The following TGFBR3 variants were observed in gnomAD, a reference collection of about 807,000 sequenced individuals.
TGFBR3 encodes the protein transforming growth factor beta receptor 3.
Under a neutral mutation model 87.9 loss-of-function variants are expected in TGFBR3, and 46 were observed. The ratio of observed to expected loss-of-function variants is 0.52; its 90% CI spans 0.41 to 0.67. The LOEUF is 0.67. Ranked by LOEUF, TGFBR3 falls within the 30% of genes least tolerant of loss-of-function variation. TGFBR3 has a pLI of 0.00. For missense variants in TGFBR3, 866 were observed against 1,041.9 expected (o/e 0.83, Z 2.32); for synonymous variants, 381 against 391.6 (o/e 0.97, Z 0.32).
Position 91,768,342 on chromosome 1 carries a change from G to A in TGFBR3, c.247-9592C>T, listed in dbSNP as rs74200473. Among the ~76,000 whole-genome samples the A allele has an allele frequency of 1.3e-4, 20 of 152,270 alleles. No individual in the cohort carries two copies. In the East Asian group the frequency reaches 1.5e-3, roughly 12 times the overall value. On this transcript the variant is annotated intron_variant, in intron 3 of 16. Transcript: ENST00000212355. Reference sequence around the variant, plus strand: ...CTTTGTACATATAAACTATCTCAGAGCATGGGGTGGGACTTGTATTTTTAT... The same window carrying A: ...CTTTGTACATATAAACTATCTCAGAACATGGGGTGGGACTTGTATTTTTAT...
At chr1:91,787,808 C>CG (rs984344809) in intron 3 of TGFBR3, among the ~76,000 whole-genome samples, 6 of 151,652 alleles carry the variant, frequency 4.0e-5, no homozygotes, top group Non-Finnish European at 7.4e-5. Context: ...AAAAATTAGC[C>CG]GGGCGTGGTG....
intron 3 of TGFBR3, among the ~76,000 whole-genome samples, chr1:91,794,569 C>T (rs61781094): frequency 0.091 from 13,848 of 152,184 alleles, 783 homozygotes; most frequent in Non-Finnish European, 0.13. Context: ...CCCCTCTAGC[C>T]CTAAGCAATG....
chr1:91,859,462 T>C lies in TGFBR3; in HGVS notation c.61+2009A>G, dbSNP rs115274170. Among the ~76,000 whole-genome samples, 274 of 152,082 alleles carry C rather than the reference T, an allele frequency of 1.8e-3. 1 individual carries two copies. The highest frequency in any genetic ancestry group is 6.4e-3 in the African/African-American group (267 of 41,472). On this transcript the variant is annotated intron_variant, in intron 2 of 16. Transcript: ENST00000212355. ...GGGGTGCATTTCTACTACTTTTCGATGAGATTTTAAGTCAATTCCATTTTA... is the reference window on the plus strand; with the variant it reads ...GGGGTGCATTTCTACTACTTTTCGACGAGATTTTAAGTCAATTCCATTTTA...
At chr1:91,874,516 T>C (rs2101253552) in intron 1 of TGFBR3, among the ~76,000 whole-genome samples, 1 of 152,128 alleles carries the variant, frequency 6.6e-6, no homozygotes, top group Non-Finnish European at 1.5e-5. Flanking sequence ...GAGTGGTTTT[T>C]TGGTTTTTTG....
intron 14 of TGFBR3, among the ~76,000 whole-genome samples, chr1:91,704,890 A>T (rs778721678): frequency 1.3e-5 from 2 of 152,246 alleles, no homozygotes; most frequent in African/African-American, 2.4e-5. Context: ...ACACTAAAGT[A>T]TGTCAATGCT....
At chr1:91,840,760 T>C (rs963802494) in intron 2 of TGFBR3, among the ~76,000 whole-genome samples, 1 of 152,206 alleles carries the variant, frequency 6.6e-6, no homozygotes, top group South Asian at 2.1e-4. Flanking sequence ...AATTTTATTA[T>C]TGGCAACAAA....
intron 4 of TGFBR3, among the ~76,000 whole-genome samples, chr1:91,756,294 C>A (rs1329008076): frequency 2.0e-5 from 3 of 152,144 alleles, no homozygotes; most frequent in Non-Finnish European, 4.4e-5. Flanking sequence ...GTGCATATGA[C>A]TTTATGATCA....
At chr1:91,787,943 G>GAAAAAAAAAAAAAAAAAA (rs111981257) in intron 3 of TGFBR3, among the ~76,000 whole-genome samples, 4 of 133,312 alleles carry the variant, frequency 3.0e-5, no homozygotes, top group Admixed American at 7.4e-5. Flanking sequence ...GTCTCACGGG[G>GAAAAAAAAAAAAAAAAAA]AAAAAAAAAA....
At chr1:91,695,422 G>A in intron 16 of TGFBR3, 1 of 479,276 alleles carries the variant, frequency 2.1e-6, no homozygotes, top group South Asian at 2.1e-5. Flanking sequence ...CAACAAAGTA[G>A]CTTTATTAGC....
intron 1 of TGFBR3, 41 bp from the exon 2 acceptor site, chr1:91,861,685 T>C: frequency 1.5e-6 from 1 of 686,748 alleles, no homozygotes; most frequent in East Asian, 2.8e-5. Flanking sequence ...ATGAAGAAAC[T>C]TCATAAACAA....
At chr1:91,774,695 G>A (rs1045177823) in intron 3 of TGFBR3, among the ~76,000 whole-genome samples, 40 of 152,136 alleles carry the variant, frequency 2.6e-4, no homozygotes, top group African/African-American at 8.0e-4. Flanking sequence ...CGACTCATGC[G>A]GTGATTGGGA....
At chr1:91,855,231 T>C (rs939441102) in intron 2 of TGFBR3, among the ~76,000 whole-genome samples, 1 of 152,174 alleles carries the variant, frequency 6.6e-6, no homozygotes, top group East Asian at 1.9e-4. Flanking sequence ...CAGGCGAGTT[T>C]CCAAAAGGAT....
In TGFBR3 at chr1:91,683,826, G is replaced by A. The variant is rs1670999594; in HGVS notation, c.2469C>T (p.Thr823=). The A allele has an allele frequency of 1.9e-6, 3 of 1,606,742 alleles. No homozygotes were observed. The South Asian group carries it at 3.4e-5, about 18-fold the overall frequency. Reference sequence around the variant, plus strand: ...TGCTGTTTTCCGAGGCTGGCGGGGAGGTGGGGACTTGCTGCCTTCCTGCTG... The same window carrying A: ...TGCTGTTTTCCGAGGCTGGCGGGGAAGTGGGGACTTGCTGCCTTCCTGCTG... ...GETAGRQQVP[T]SPPASENSSA... is the part of the protein sequence containing the mutation. The change falls in exon 17 of 17, where the codon ACC becomes ACT. Residue 823 remains threonine, a synonymous_variant. Coordinates refer to ENST00000212355, the MANE Select transcript of TGFBR3 (RefSeq NM_003243.5).
chr1:91,854,007 C>T (rs1470584947), intron 2 of TGFBR3, among the ~76,000 whole-genome samples: 1 of 151,960 alleles, frequency 6.6e-6, no homozygotes, highest in Non-Finnish European at 1.5e-5. Flanking sequence ...AGACTCCATC[C>T]CACCCCCTCC....
intron 12 of TGFBR3, among the ~76,000 whole-genome samples, chr1:91,713,855 T>G (rs554311604): frequency 6.6e-6 from 1 of 152,096 alleles, no homozygotes; most frequent in Non-Finnish European, 1.5e-5. Context: ...CCGTTTAACA[T>G]GAACTCAGAA....
chr1:91,847,839 A>T (rs1341900546), intron 2 of TGFBR3, among the ~76,000 whole-genome samples: 2 of 152,116 alleles, frequency 1.3e-5, no homozygotes, highest in Non-Finnish European at 2.9e-5. Context: ...CCCCGCCCTC[A>T]GTGACCCAAC....
At chr1:91,862,251 T>G (rs1678231895) in intron 1 of TGFBR3, among the ~76,000 whole-genome samples, 1 of 152,208 alleles carries the variant, frequency 6.6e-6, no homozygotes, top group Non-Finnish European at 1.5e-5. Flanking sequence ...CCAGTTAAGT[T>G]GTGGTACCAA....
intron 2 of TGFBR3, among the ~76,000 whole-genome samples, chr1:91,858,853 C>T (rs1391120608): frequency 2.0e-5 from 3 of 151,804 alleles, no homozygotes; most frequent in African/African-American, 4.8e-5. Flanking sequence ...GTCAGGAGTT[C>T]GAGACCAGCC....
chr1:91,692,890 A>G (rs2765887), intron 16 of TGFBR3, among the ~76,000 whole-genome samples: 58,420 of 152,056 alleles, frequency 0.38, 11,487 homozygotes, highest in South Asian at 0.57. Context: ...TAAACAAAGG[A>G]AAAGTTATTC....
Sources: allele counts gnomAD v4.1 joint callset (sites outside exome capture counted in the v4.1 genomes callset), GRCh38; gene constraint gnomAD v4.1.1; transcripts MANE v1.5; gene names NCBI Gene and HGNC (gene_info 2026-07-23, HGNC 2026-07-21).